Variants in DACH1 observed in about 807,000 individuals in gnomAD.
DACH1 encodes the protein dachshund homolog 1.
A neutral mutation model predicts 54.2 loss-of-function variants in DACH1; 12 were observed. The ratio of observed to expected loss-of-function variants is 0.22; its 90% confidence interval spans 0.14 to 0.36. The LOEUF (loss-of-function observed/expected upper bound fraction) is 0.36, where lower values mean the gene tolerates loss of function less well. DACH1 is among the 10% of genes least tolerant of loss of function. The pLI is 1.00. For synonymous variants in DACH1, 386 were observed against 366.2 expected (o/e 1.05, Z -0.62); for missense variants, 805 against 929.8 (o/e 0.87, Z 1.75).
intron 2 of DACH1, among the ~76,000 whole-genome samples, chr13:71,664,313 T>C (rs1207505213): frequency 1.3e-5 from 2 of 152,016 alleles, no homozygotes; most frequent in African/African-American, 4.8e-5. Context: ...AAAAATGCTA[T>C]AGGTTCATTT....
intron 6 of DACH1, among the ~76,000 whole-genome samples, chr13:71,551,186 C>T (rs975999245): frequency 6.6e-6 from 1 of 151,904 alleles, no homozygotes; most frequent in Non-Finnish European, 1.5e-5. Context: ...TTTATTGATA[C>T]ATAATAGATG....
In DACH1 at chr13:71,866,160, C is replaced by G; in HGVS notation, c.610G>C (p.Glu204Gln). The change falls in exon 1 of 11, where the codon GAG (glutamate) becomes CAG (glutamine). Residue 204 changes from glutamate to glutamine, a missense_variant. This residue lies in a region of DACH1 where 305 missense variants were observed against 308.7 expected (regional missense o/e 0.99). Transcript: ENST00000613252. ...GGCAGGCAGATCAGCTCGCAGCCCTCCACCGTGAAGGAAGCCACTTTGGCC... is the reference window on the plus strand; with the variant it reads ...GGCAGGCAGATCAGCTCGCAGCCCTGCACCGTGAAGGAAGCCACTTTGGCC... ...RGAKVASFTV[E>Q]GCELICLPQA... The G allele has an allele frequency of 3.1e-6, 5 of 1,613,108 alleles. No homozygotes were observed. Among genetic ancestry groups the G allele is most frequent in the Non-Finnish European group, 3.4e-6 (4 of 1,179,558 alleles).
At chr13:71,704,410 G>T in intron 1 of DACH1, 1 of 400,644 alleles carries the variant, frequency 2.5e-6, no homozygotes, top group South Asian at 2.3e-5. Flanking sequence ...TTTTAAACAA[G>T]TTAAGGGCAA....
chr13:71,473,198 G>C (rs1008009253), intron 10 of DACH1, among the ~76,000 whole-genome samples: 2 of 152,084 alleles, frequency 1.3e-5, no homozygotes, highest in African/African-American at 4.8e-5. Context: ...GTACAACAAT[G>C]GACAGGCTGA....
intron 1 of DACH1, among the ~76,000 whole-genome samples, chr13:71,721,998 G>C (rs1477298943): frequency 6.6e-6 from 1 of 151,934 alleles, no homozygotes; most frequent in Non-Finnish European, 1.5e-5. Context: ...GCAATTATAA[G>C]TCTATACCAT....
chr13:71,639,758 T>TTTAGAGTGTA, intron 2 of DACH1, among the ~76,000 whole-genome samples: 4 of 152,052 alleles, frequency 2.6e-5, no homozygotes, highest in African/African-American at 4.8e-5. Flanking sequence ...AAAGCTCACC[T>TTTAGAGTGTA]TCTGATCACT....
rs760858387 is a variant in DACH1, at chr13:71,866,293, ACTGCTGCTGCTGCTACTACTG to A, written c.456_476del (p.Ser157_Ser163del). The A allele has an allele frequency of 1.3e-6, 2 of 1,566,778 alleles. No individual in the cohort carries two copies. The highest frequency in any genetic ancestry group is 1.7e-6 in the Non-Finnish European group (2 of 1,155,538). ...GGAGGGGGCCGCAGCTGCTGCTGCT[ACTGCTGCTGCTGCTACTACTG>A]CTGCTGCTGCTGCTGCTGCTACTGC... is the stretch of plus-strand genomic sequence containing the variant. On this transcript the variant is annotated inframe_deletion, in exon 1 of 11. Coordinates refer to ENST00000613252, the MANE Select transcript of DACH1 (RefSeq NM_080759.6).
intron 1 of DACH1, among the ~76,000 whole-genome samples, chr13:71,772,110 C>T (rs1458017469): frequency 1.3e-5 from 2 of 151,562 alleles, no homozygotes; most frequent in African/African-American, 4.8e-5. Context: ...AAATTAATCT[C>T]TTCATATAGA....
At chr13:71,774,624 G>A (rs562716787) in intron 1 of DACH1, among the ~76,000 whole-genome samples, 5 of 152,108 alleles carry the variant, frequency 3.3e-5, no homozygotes, top group Admixed American at 3.3e-4. Flanking sequence ...ATGTGGAAAC[G>A]GATTTTAAAA....
At chr13:71,822,891 T>C (rs914894327) in intron 1 of DACH1, among the ~76,000 whole-genome samples, 3 of 152,146 alleles carry the variant, frequency 2.0e-5, no homozygotes, top group Non-Finnish European at 4.4e-5. Flanking sequence ...AAAAAAATCA[T>C]AATCTGAAAA....
At chr13:71,781,657 C>T (rs886338421) in intron 1 of DACH1, among the ~76,000 whole-genome samples, 4 of 152,024 alleles carry the variant, frequency 2.6e-5, no homozygotes, top group African/African-American at 4.8e-5. Flanking sequence ...GGATTACAGG[C>T]GTGAGCCACC....
At chr13:71,776,596 G>A (rs1176410621) in intron 1 of DACH1, among the ~76,000 whole-genome samples, 1 of 152,020 alleles carries the variant, frequency 6.6e-6, no homozygotes, top group African/African-American at 2.4e-5. Flanking sequence ...TAATTCCTAA[G>A]AGTCCCTGGA....
rs562529197 is a variant in DACH1, at chr13:71,637,466, G to A, written c.965-6749C>T. Among the ~76,000 whole-genome samples, 5 of 152,156 alleles carry A rather than the reference G, an allele frequency of 3.3e-5. No homozygotes were observed. The East Asian group carries it at 5.8e-4, about 18-fold the overall frequency. The stretch of plus-strand genomic sequence containing the variant: ...GTGAGAATGTAGCCATTTGGCAAAC[G>A]GATATCTAAAAATCAGGTTTCCATC... On this transcript the variant is annotated intron_variant, in intron 2 of 10. Coordinates refer to ENST00000613252, the MANE Select transcript of DACH1 (RefSeq NM_080759.6).
At chr13:71,627,793 A>G (rs1056887057) in intron 3 of DACH1, among the ~76,000 whole-genome samples, 1 of 152,036 alleles carries the variant, frequency 6.6e-6, no homozygotes, top group Non-Finnish European at 1.5e-5. Context: ...TCTAAGATGC[A>G]ACAGCTGCCC....
At chr13:71,834,144 C>G (rs1438901809) in intron 1 of DACH1, among the ~76,000 whole-genome samples, 1 of 151,976 alleles carries the variant, frequency 6.6e-6, no homozygotes, top group African/African-American at 2.4e-5. Flanking sequence ...ATTAAAGTAG[C>G]GAAATATCCC....
intron 6 of DACH1, among the ~76,000 whole-genome samples, chr13:71,550,903 T>C (rs988379374): frequency 3.9e-5 from 6 of 152,124 alleles, no homozygotes; most frequent in Non-Finnish European, 8.8e-5. Flanking sequence ...CAACAAAAGA[T>C]ATATTTAGAT....
At chr13:71,579,016 ATAAT>A (rs2138428903) in intron 3 of DACH1, among the ~76,000 whole-genome samples, 1 of 152,228 alleles carries the variant, frequency 6.6e-6, no homozygotes, top group African/African-American at 2.4e-5. Context: ...TTTCCCATAA[ATAAT>A]TAGATATTTT....
At chr13:71,718,001 ACT>A (rs1883057549) in intron 1 of DACH1, among the ~76,000 whole-genome samples, 2 of 152,024 alleles carry the variant, frequency 1.3e-5, no homozygotes, top group African/African-American at 4.8e-5. Flanking sequence ...CTACCCAAAG[ACT>A]CTGTAGAATC....
intron 1 of DACH1, among the ~76,000 whole-genome samples, chr13:71,694,788 A>G (rs1024545522): frequency 2.0e-5 from 3 of 152,238 alleles, no homozygotes; most frequent in Non-Finnish European, 4.4e-5. Context: ...TACTAAAAAC[A>G]TAGTGCCTTA....
Sources: allele counts gnomAD v4.1 joint callset (sites outside exome capture counted in the v4.1 genomes callset), GRCh38; gene constraint gnomAD v4.1.1; regional missense constraint gnomAD v4.1.1; transcripts MANE v1.5; gene names NCBI Gene and HGNC (gene_info 2026-07-23, HGNC 2026-07-21).